The following LARGE1 variants were observed in gnomAD, a reference collection of about 807,000 sequenced individuals.
LARGE1 encodes xylosyl- and glucuronyltransferase LARGE1.
In LARGE1, 43 loss-of-function variants were observed where a neutral mutation model predicts 87.6. That is an observed-to-expected ratio of 0.49 (90% CI 0.38 to 0.63). The LOEUF is 0.63. Among genes scored for constraint, LARGE1 ranks in the 30% least tolerant of loss-of-function variants. LARGE1 has a pLI of 0.00. For synonymous variants in LARGE1, 434 were observed against 394.6 expected (o/e 1.10, Z -1.18); for missense variants, 802 against 1,000.2 (o/e 0.80, Z 2.67).
At chr22:33,344,382 GATAGA>G in intron 9 of LARGE1, among the ~76,000 whole-genome samples, 1 of 102,878 alleles carries the variant, frequency 9.7e-6, no homozygotes, top group African/African-American at 2.9e-5. Flanking sequence ...TTACAACTTA[GATAGA>G]GAGGAAGGTA....
rs1924520665 is a variant in LARGE1 at position 33,203,511 on chromosome 22, A to T, written c.1731-36679T>A. Among the ~76,000 whole-genome samples the T allele has an allele frequency of 1.3e-5, 2 of 152,048 alleles. 1 individual carries two copies. Among genetic ancestry groups the T allele is most frequent in the African/African-American group, 4.8e-5 (2 of 41,382 alleles). ...GATTCCCAGGTGTGCCCACAATATC[A>T]ATATGTGTTGGTTATGGTGTGAAGG... is the stretch of plus-strand genomic sequence containing the variant. On this transcript the variant is annotated intron_variant, in intron 11 of 11. Transcript: ENST00000608642.
intron 11 of LARGE1, among the ~76,000 whole-genome samples, chr22:33,254,674 T>C (rs77805719): frequency 0.013 from 1,938 of 152,282 alleles, 34 homozygotes; most frequent in African/African-American, 0.045. Flanking sequence ...GGGACAATAA[T>C]AGAACCTGCC....
At chr22:33,101,302 A>G in the LARGE1 span, among the ~76,000 whole-genome samples, 1 of 152,206 alleles carries the variant, frequency 6.6e-6, no homozygotes, top group Non-Finnish European at 1.5e-5. Flanking sequence ...TTCTGGCTTT[A>G]GCATTTATCA....
intron 2 of LARGE1, among the ~76,000 whole-genome samples, chr22:33,655,634 C>G (rs2080937992): frequency 6.6e-6 from 1 of 152,150 alleles, no homozygotes; most frequent in Non-Finnish European, 1.5e-5. Flanking sequence ...AGAGCCCTGA[C>G]AAATAGAAGG....
At chr22:33,249,488 C>T (rs1330429318) in intron 11 of LARGE1, among the ~76,000 whole-genome samples, 1 of 152,094 alleles carries the variant, frequency 6.6e-6, no homozygotes, top group South Asian at 2.1e-4. Flanking sequence ...CAGTCTGTGG[C>T]TTGTCTTCTC....
At chr22:33,506,094 T>C (rs2070752489) in intron 6 of LARGE1, among the ~76,000 whole-genome samples, 1 of 151,968 alleles carries the variant, frequency 6.6e-6, no homozygotes. Context: ...CAGCTTCCCT[T>C]TGAGATTAGA....
intron 1 of LARGE1, among the ~76,000 whole-genome samples, chr22:33,765,315 T>C (rs183254257): frequency 1.1e-4 from 17 of 152,266 alleles, no homozygotes; most frequent in African/African-American, 4.1e-4. Context: ...AAATCCTTCA[T>C]ATTGAATATT....
chr22:33,626,060 C>G (rs147289470), intron 4 of LARGE1, among the ~76,000 whole-genome samples, 184 bp downstream of exon 4: 21 of 152,300 alleles, frequency 1.4e-4, no homozygotes, highest in Non-Finnish European at 2.6e-4. Flanking sequence ...CAAGACAGCA[C>G]CTAATCGCTG....
chr22:33,530,880 A>T (rs1277824744), intron 6 of LARGE1, among the ~76,000 whole-genome samples: 4 of 152,226 alleles, frequency 2.6e-5, no homozygotes, highest in Admixed American at 2.6e-4. Flanking sequence ...CTAAAAGAAC[A>T]GTATCTTATT....
intron 1 of LARGE1, among the ~76,000 whole-genome samples, chr22:33,882,056 T>G (rs963152473): frequency 6.6e-6 from 1 of 151,002 alleles, no homozygotes; most frequent in African/African-American, 2.4e-5. Flanking sequence ...TTTTTTTTTT[T>G]TTTTGAGACG....
At chr22:33,257,466 CA>C (rs938735130) in intron 11 of LARGE1, among the ~76,000 whole-genome samples, 1 of 143,624 alleles carries the variant, frequency 7.0e-6, no homozygotes, top group Non-Finnish European at 1.5e-5. Context: ...AACAAAAAAA[CA>C]AAAAAAAGGC....
intron 1 of LARGE1, among the ~76,000 whole-genome samples, chr22:33,876,657 G>C (rs1343210948): frequency 6.6e-6 from 1 of 151,016 alleles, no homozygotes. Flanking sequence ...GGGTGCGGGG[G>C]TGCGGGGCTA....
At chr22:33,813,332 A>C (rs2267291) in intron 1 of LARGE1, among the ~76,000 whole-genome samples, 37,515 of 151,832 alleles carry the variant, frequency 0.25, 4,869 homozygotes, top group East Asian at 0.4. Context: ...CCTAGTCCTG[A>C]GAAGCTTGTG....
downstream of LARGE1, among the ~76,000 whole-genome samples, chr22:33,161,576 C>T (rs753697146): frequency 6.6e-6 from 1 of 152,132 alleles, no homozygotes. Context: ...AGAAACTGGC[C>T]AAAACAAAAG....
At chr22:33,563,754 A>G (rs543131103) in intron 6 of LARGE1, among the ~76,000 whole-genome samples, 1 of 152,352 alleles carries the variant, frequency 6.6e-6, no homozygotes, top group East Asian at 1.9e-4. Flanking sequence ...TGTCATTGTT[A>G]GTGTCATTAT....
intron 10 of LARGE1, among the ~76,000 whole-genome samples, chr22:33,323,166 C>CA (rs1310540265): frequency 1.3e-5 from 2 of 152,018 alleles, no homozygotes; most frequent in African/African-American, 2.4e-5. Flanking sequence ...CAACAAAAAA[C>CA]AAAAACAAAA....
chr22:33,748,709 G>A (rs373818816), intron 2 of LARGE1, among the ~76,000 whole-genome samples: 59 of 152,274 alleles, frequency 3.9e-4, no homozygotes, highest in African/African-American at 1.3e-3. Context: ...ATCAGAGGAT[G>A]GCCCTTTCCT....
chr22:33,383,274 T>G (rs926579281), intron 8 of LARGE1, among the ~76,000 whole-genome samples: 1 of 152,142 alleles, frequency 6.6e-6, no homozygotes, highest in Admixed American at 6.5e-5. Flanking sequence ...AATGACTATT[T>G]GTTGGCTGGG....
intron 11 of LARGE1, among the ~76,000 whole-genome samples, chr22:33,264,156 T>C (rs1927799367): frequency 1.3e-5 from 2 of 152,176 alleles, no homozygotes; most frequent in African/African-American, 2.4e-5. Flanking sequence ...CTTCATATTA[T>C]AGACATGGAA....
Sources: allele counts gnomAD v4.1 joint callset (sites outside exome capture counted in the v4.1 genomes callset), GRCh38; gene constraint gnomAD v4.1.1; transcripts MANE v1.5; gene names NCBI Gene and HGNC (gene_info 2026-07-23, HGNC 2026-07-21).